VPS13B: variants seen among roughly 807,000 people sequenced by gnomAD.
VPS13B encodes intermembrane lipid transfer protein VPS13B.
In VPS13B, 285 loss-of-function variants were observed where a neutral mutation model predicts 426.4. That is an observed-to-expected ratio of 0.67 (90% CI 0.61 to 0.74). The LOEUF (loss-of-function observed/expected upper bound fraction) is 0.74, where lower values mean the gene tolerates loss of function less well. Ranked by LOEUF, VPS13B falls within the 30% of genes least tolerant of loss-of-function variation. VPS13B has a pLI of 0.00. For synonymous variants in VPS13B, 1,676 were observed against 1,676.4 expected (o/e 1.00, Z 0.01); for missense variants, 4,537 against 4,782.6 (o/e 0.95, Z 1.51).
At chr8:99,827,977 T>C (rs930762454) in intron 51 of VPS13B, among the ~76,000 whole-genome samples, 1 of 152,106 alleles carries the variant, frequency 6.6e-6, no homozygotes, top group Non-Finnish European at 1.5e-5. Context: ...TTGTATTTGT[T>C]GAGTGTTTTA....
At chr8:99,278,393 T>G (rs1208264727) in intron 19 of VPS13B, among the ~76,000 whole-genome samples, 1 of 152,236 alleles carries the variant, frequency 6.6e-6, no homozygotes, top group Non-Finnish European at 1.5e-5. Flanking sequence ...GAAATATTAA[T>G]GGTATTAGTA....
chr8:99,752,373 G>C (rs1485553760), intron 39 of VPS13B, among the ~76,000 whole-genome samples: 1 of 152,154 alleles, frequency 6.6e-6, no homozygotes, highest in African/African-American at 2.4e-5. Flanking sequence ...GCAAACTACA[G>C]CCTGTGGGCC....
intron 49 of VPS13B, among the ~76,000 whole-genome samples, chr8:99,821,049 TAAAA>T (rs71572044): frequency 9.1e-6 from 1 of 110,236 alleles, no homozygotes; most frequent in Non-Finnish European, 1.9e-5. Flanking sequence ...CCATTGTGAG[TAAAA>T]AAAAAAAAAT....
At chr8:99,312,841 A>G (rs975777842) in intron 19 of VPS13B, among the ~76,000 whole-genome samples, 4 of 152,118 alleles carry the variant, frequency 2.6e-5, no homozygotes, top group Admixed American at 2.6e-4. Context: ...ACATAGTCCC[A>G]TATTTCTTGG....
intron 16 of VPS13B, among the ~76,000 whole-genome samples, chr8:99,171,698 G>T (rs1252855835): frequency 6.6e-6 from 1 of 151,858 alleles, no homozygotes; most frequent in Admixed American, 6.6e-5. Context: ...TTGTAGTTAA[G>T]ACTACTTCTG....
chr8:99,800,298 A>G (rs1813057092), intron 43 of VPS13B, among the ~76,000 whole-genome samples: 1 of 152,140 alleles, frequency 6.6e-6, no homozygotes, highest in Non-Finnish European at 1.5e-5. Context: ...CTGTCACACA[A>G]TTCTAGACTT....
chr8:99,059,550 A>C (rs1331773676), intron 3 of VPS13B, among the ~76,000 whole-genome samples: 1 of 152,128 alleles, frequency 6.6e-6, no homozygotes, highest in Non-Finnish European at 1.5e-5. Flanking sequence ...AAGCCCATGG[A>C]TGCAGAAGGC....
intron 17 of VPS13B, among the ~76,000 whole-genome samples, chr8:99,255,239 C>CT (rs551389118): frequency 3.3e-5 from 5 of 151,914 alleles, no homozygotes; most frequent in South Asian, 2.1e-4. Flanking sequence ...ATTTTCTTCT[C>CT]TTTTTTTTCC....
At chr8:99,864,571 A>G (rs775614084) in intron 58 of VPS13B, among the ~76,000 whole-genome samples, 10 of 152,142 alleles carry the variant, frequency 6.6e-5, no homozygotes, top group Non-Finnish European at 1.3e-4. Context: ...TAATAGTAAT[A>G]ATAATAGTTT....
intron 33 of VPS13B, among the ~76,000 whole-genome samples, chr8:99,614,534 T>C (rs1269167053): frequency 6.6e-6 from 1 of 152,018 alleles, no homozygotes; most frequent in Non-Finnish European, 1.5e-5. Context: ...CACCTCGGCC[T>C]CCCAAAGTGC....
At chr8:99,619,954 A>G (rs1462660938) in intron 33 of VPS13B, among the ~76,000 whole-genome samples, 1 of 151,622 alleles carries the variant, frequency 6.6e-6, no homozygotes, top group African/African-American at 2.4e-5. Context: ...ATATATTTCA[A>G]TAAGTAAATA....
chr8:99,177,390 C>CA (rs1435504941), intron 16 of VPS13B, among the ~76,000 whole-genome samples: 2 of 151,926 alleles, frequency 1.3e-5, no homozygotes, highest in Non-Finnish European at 2.9e-5. Context: ...AATAACTTGT[C>CA]AAAAAATACA....
intron 21 of VPS13B, among the ~76,000 whole-genome samples, chr8:99,400,891 C>T (rs771480541): frequency 2.0e-5 from 3 of 152,132 alleles, no homozygotes; most frequent in Non-Finnish European, 4.4e-5. Context: ...AGGCTGGTCT[C>T]GAACTCCTGA....
intron 29 of VPS13B, among the ~76,000 whole-genome samples, chr8:99,518,463 A>G (rs1293950011): frequency 6.6e-6 from 1 of 152,126 alleles, no homozygotes; most frequent in Non-Finnish European, 1.5e-5. Flanking sequence ...GTAGTTTTCT[A>G]TTTGATCTTT....
At chr8:99,478,442 G>GTTT (rs1819818315) in intron 24 of VPS13B, among the ~76,000 whole-genome samples, 36 of 43,514 alleles carry the variant, frequency 8.3e-4, no homozygotes, top group African/African-American at 2.9e-3. Context: ...TTGTTTTTTT[G>GTTT]TTTTGTTTTT....
rs1818777827 is a variant in VPS13B at position 99,460,729 on chromosome 8, GTT to G, written c.3446-6682_3446-6681del. The stretch of plus-strand genomic sequence containing the variant: ...CTGGGTATAAAATTATTGGTTGACT[GTT>G]TTGTTTTTTTTTTCTTCCTTGGTAG... On this transcript the variant is annotated intron_variant, in intron 23 of 61. Transcript: ENST00000357162. Among the ~76,000 whole-genome samples, 4 of 151,054 alleles carry G rather than the reference GTT, an allele frequency of 2.6e-5. No homozygotes were observed. In the South Asian group the frequency reaches 8.3e-4, roughly 31 times the overall value.
At position 99,362,606 on chromosome 8, in the gene VPS13B, A is replaced by C. The variant is rs374445920; in HGVS notation, c.2825-21602A>C. ...TCCATTGGAAATGTAGTATGAGTAA[A>C]GAGGAACATTTAAAATAAAGTGTCT... On this transcript the variant is annotated intron_variant, in intron 19 of 61. Coordinates refer to ENST00000357162, the MANE Select transcript of VPS13B (RefSeq NM_152564.5). 3.9e-5 allele frequency among the ~76,000 whole-genome samples: 6 copies of C among 152,346 alleles called. No homozygotes were observed. In the South Asian group the frequency reaches 8.3e-4, roughly 21 times the overall value.
chr8:99,295,396 A>C (rs1408401604), intron 19 of VPS13B, among the ~76,000 whole-genome samples: 1 of 152,230 alleles, frequency 6.6e-6, no homozygotes. Context: ...TAAAGTGGTC[A>C]GAAACTGTGT....
chr8:99,801,441 G>A (rs1041712349), intron 43 of VPS13B, among the ~76,000 whole-genome samples: 1 of 151,620 alleles, frequency 6.6e-6, no homozygotes, highest in East Asian at 1.9e-4. Flanking sequence ...GCTTGTCTTT[G>A]TTTCTAACAC....
Sources: gnomAD v4.1 joint callset for allele counts (sites outside exome capture counted in the v4.1 genomes callset) on GRCh38, gnomAD v4.1.1 for gene constraint, MANE v1.5 for transcripts, NCBI Gene and HGNC (gene_info 2026-07-23, HGNC 2026-07-21) for gene names.